The following CDC14B variants were observed in gnomAD, a reference collection of about 807,000 sequenced individuals.
CDC14B encodes the protein dual specificity protein phosphatase CDC14B.
In CDC14B, 22 loss-of-function variants were observed where a neutral mutation model predicts 64.2. That is an observed-to-expected ratio of 0.34 (90% CI 0.24 to 0.49). CDC14B has a LOEUF of 0.49. CDC14B is among the 20% of genes least tolerant of loss of function. The probability of loss-of-function intolerance (pLI) is 0.99; values close to 1 mark genes in which losing one functional copy is unlikely to be tolerated. For missense variants in CDC14B, 498 were observed against 629.9 expected (o/e 0.79, Z 2.24); for synonymous variants, 191 against 215.8 (o/e 0.89, Z 1.01).
chr9:96,606,524 AGTTTGT>A (rs1846940528), intron 1 of CDC14B, among the ~76,000 whole-genome samples: 2 of 89,384 alleles, frequency 2.2e-5, no homozygotes, highest in Non-Finnish European at 2.3e-5. Flanking sequence ...CTCTACTAAA[AGTTTGT>A]GTGTGTGTGT....
intron 1 of CDC14B, among the ~76,000 whole-genome samples, chr9:96,577,222 G>A (rs900990124): frequency 1.3e-4 from 19 of 148,928 alleles, no homozygotes; most frequent in African/African-American, 4.5e-4. Context: ...CTGCACTCCA[G>A]CCTGGGTGAC....
At chr9:96,566,414 C>T (rs567810299) in intron 1 of CDC14B, among the ~76,000 whole-genome samples, 141 of 150,750 alleles carry the variant, frequency 9.4e-4, no homozygotes, top group African/African-American at 3.2e-3. Flanking sequence ...CGTTTATTTC[C>T]TTGTAAACTC....
chr9:96,521,913 C>T (rs373764115), intron 12 of CDC14B, among the ~76,000 whole-genome samples: 2 of 152,324 alleles, frequency 1.3e-5, no homozygotes, highest in East Asian at 3.9e-4. Flanking sequence ...ATCTTGGATG[C>T]TCCATCAGGT....
chr9:96,570,771 G>A (rs1844419015), intron 1 of CDC14B, among the ~76,000 whole-genome samples: 1 of 152,218 alleles, frequency 6.6e-6, no homozygotes, highest in African/African-American at 2.4e-5. Flanking sequence ...TATACCCTGT[G>A]AGGTTAGCAC....
intron 9 of CDC14B, among the ~76,000 whole-genome samples, chr9:96,526,273 C>T (rs1222773273): frequency 1.3e-5 from 2 of 152,156 alleles, no homozygotes; most frequent in African/African-American, 4.8e-5. Context: ...GAGGCTGAGG[C>T]AGGAGAATGG....
chr9:96,580,813 A>T (rs1207940000), intron 1 of CDC14B, among the ~76,000 whole-genome samples: 1 of 152,254 alleles, frequency 6.6e-6, no homozygotes, highest in African/African-American at 2.4e-5. Flanking sequence ...GTAGATCAAT[A>T]TGTAATCTTT....
At chr9:96,509,933 GA>G in intron 12 of CDC14B, 144 bp from the exon 13 acceptor site, 1 of 580,448 alleles carries the variant, frequency 1.7e-6, no homozygotes, top group Non-Finnish European at 3.0e-6. Flanking sequence ...AAAAAAATCT[GA>G]AACACATTTT....
intron 1 of CDC14B, among the ~76,000 whole-genome samples, chr9:96,578,413 C>T (rs945786321): frequency 3.3e-5 from 5 of 152,188 alleles, no homozygotes; most frequent in African/African-American, 1.2e-4. Flanking sequence ...AAAATAGTAA[C>T]TTTACAGAAG....
intron 12 of CDC14B, among the ~76,000 whole-genome samples, chr9:96,518,332 C>T (rs7869758): frequency 0.43 from 64,763 of 151,718 alleles, 14,479 homozygotes; most frequent in African/African-American, 0.58. Context: ...CTGGCCAACA[C>T]GGTGAAACCC....
At chr9:96,513,484 C>T (rs1268173923) in intron 12 of CDC14B, among the ~76,000 whole-genome samples, 2 of 152,192 alleles carry the variant, frequency 1.3e-5, no homozygotes, top group Non-Finnish European at 2.9e-5. Context: ...TTCTTCCTTC[C>T]CATCTGCCCT....
chr9:96,518,374 G>A (rs989140400), intron 12 of CDC14B, among the ~76,000 whole-genome samples: 2 of 152,080 alleles, frequency 1.3e-5, no homozygotes, highest in African/African-American at 4.8e-5. Flanking sequence ...AATTAGCGAG[G>A]CGTGGTGGCG....
At chr9:96,608,039 T>C (rs1001878638) in intron 1 of CDC14B, among the ~76,000 whole-genome samples, 8 of 152,112 alleles carry the variant, frequency 5.3e-5, no homozygotes, top group African/African-American at 1.9e-4. Flanking sequence ...TCTCTATGAG[T>C]TTTACAGATA....
At position 96,565,137 on chromosome 9, in the gene CDC14B, AC is replaced by A. The variant is rs1184642154; in HGVS notation, c.251+255del. Among the ~76,000 whole-genome samples, 7 of 152,258 alleles carry A rather than the reference AC, an allele frequency of 4.6e-5. No homozygotes were observed. In the East Asian group the frequency reaches 1.4e-3, roughly 29 times the overall value. On this transcript the variant is annotated intron_variant, in intron 2 of 13. Coordinates refer to ENST00000375241, the MANE Select transcript of CDC14B (RefSeq NM_033331.4). ...TTCCACACATATTTCCAAGGGCAAA[AC>A]CACAATATCTTACTTAGTACACATT...
At chr9:96,551,498 G>A (rs1291839669) in intron 5 of CDC14B, among the ~76,000 whole-genome samples, 1 of 152,102 alleles carries the variant, frequency 6.6e-6, no homozygotes, top group Non-Finnish European at 1.5e-5. Context: ...GTCACTTACA[G>A]GGATATATGG....
Position 96,503,757 on chromosome 9 carries a change from C to G in CDC14B, c.1493G>C (p.Arg498Pro). The change falls in exon 14 of 14, where the codon CGT (arginine) becomes CCT (proline). Residue 498 changes from arginine to proline, a missense_variant. Physicochemically the swap from Arg to Pro is moderately radical, Grantham distance 103. Transcript: ENST00000375241. ...GCTCTGGTCACAGGTTTTTACTTAA[C>G]GCAAGACTGTTTTAGTCCTTGAAAT... ...LSISRTKTVL[R>P] 5 of 1,613,604 alleles carry G rather than the reference C, an allele frequency of 3.1e-6. No individual in the cohort carries two copies. The highest frequency in any genetic ancestry group is 3.4e-6 in the Non-Finnish European group (4 of 1,179,746).
intron 11 of CDC14B, 57 bp from the exon 12 acceptor site, chr9:96,522,660 A>G: frequency 9.4e-7 from 1 of 1,063,942 alleles, no homozygotes; most frequent in African/African-American, 1.6e-5. Context: ...TTAATGCAGT[A>G]CAGCAGAGCA....
chr9:96,507,414 T>A (rs1834301631), intron 13 of CDC14B, among the ~76,000 whole-genome samples: 1 of 151,890 alleles, frequency 6.6e-6, no homozygotes, highest in Non-Finnish European at 1.5e-5. Context: ...ATAGGCTTTT[T>A]ATTTGATTTT....
intron 1 of CDC14B, among the ~76,000 whole-genome samples, chr9:96,606,527 TTGTGTGTGTG>T (rs376059971): frequency 0.015 from 1,659 of 112,848 alleles, 30 homozygotes; most frequent in African/African-American, 0.025. Flanking sequence ...TACTAAAAGT[TTGTGTGTGTG>T]TGTGTGTGTG....
intron 5 of CDC14B, among the ~76,000 whole-genome samples, chr9:96,542,669 T>C (rs1840233309): frequency 6.6e-6 from 1 of 152,008 alleles, no homozygotes; most frequent in African/African-American, 2.4e-5. Context: ...TTTTTTTTTT[T>C]TTTAAGGTAG....
Sources: allele counts gnomAD v4.1 joint callset (sites outside exome capture counted in the v4.1 genomes callset), GRCh38; gene constraint gnomAD v4.1.1; transcripts MANE v1.5; gene names NCBI Gene and HGNC (gene_info 2026-07-23, HGNC 2026-07-21).